Variants in GNAZ observed in about 807,000 individuals in gnomAD.
GNAZ encodes the protein guanine nucleotide-binding protein G(z) subunit alpha.
In GNAZ, 3 loss-of-function variants were observed where a neutral mutation model predicts 25.4. That is an observed-to-expected ratio of 0.12 (90% CI 0.05 to 0.30). The LOEUF (loss-of-function observed/expected upper bound fraction) is 0.30. Among genes scored for constraint, GNAZ ranks in the 10% least tolerant of loss-of-function variants. The pLI is 1.00. For missense variants in GNAZ, 241 were observed against 501.8 expected (o/e 0.48, Z 4.97); for synonymous variants, 211 against 205.7 (o/e 1.03, Z -0.22).
chr22:23,123,895 G>A lies in GNAZ; in HGVS notation c.*464G>A, dbSNP rs546362570. 1 of 214,610 alleles carries A rather than the reference G, an allele frequency of 4.7e-6. No homozygotes were observed. Among genetic ancestry groups the A allele is most frequent in the Middle Eastern group, 2.0e-3 (1 of 498 alleles). 13.3% of individuals were successfully genotyped at this position (214,610 alleles called of 1,614,324 possible). A position where few individuals can be genotyped will look rare whatever the true frequency, so the allele number is the denominator to read the frequency against. On this transcript the variant is annotated 3_prime_UTR_variant, in exon 3 of 3. Transcript: ENST00000615612. The stretch of plus-strand genomic sequence containing the variant: ...CGAGCTCTGGCCTAGGGACCTTGCC[G>A]CTGACCAAGAGGGAGGACCAGTGCA...
chr22:23,110,828 G>A (rs1278325326), intron 2 of GNAZ, among the ~76,000 whole-genome samples: 1 of 152,214 alleles, frequency 6.6e-6, no homozygotes, highest in Admixed American at 6.5e-5. Flanking sequence ...AGAGCTCAGT[G>A]TTGGGAAGGA....
At chr22:23,117,547 C>T (rs944347749) in intron 2 of GNAZ, among the ~76,000 whole-genome samples, 8 of 152,214 alleles carry the variant, frequency 5.3e-5, no homozygotes, top group Non-Finnish European at 8.8e-5. Flanking sequence ...GCAGGTCTTC[C>T]GATGAGACCT....
intron 2 of GNAZ, among the ~76,000 whole-genome samples, chr22:23,114,871 C>T (rs1222137023): frequency 6.6e-6 from 1 of 152,178 alleles, no homozygotes; most frequent in Non-Finnish European, 1.5e-5. Context: ...ATCCCTCACA[C>T]AAGAGCACCT....
chr22:23,077,005 A>C (rs1015455052), intron 1 of GNAZ, among the ~76,000 whole-genome samples: 2 of 152,078 alleles, frequency 1.3e-5, no homozygotes, highest in African/African-American at 2.4e-5. Flanking sequence ...TCCTTATCTC[A>C]ACTCTGGAGT....
chr22:23,096,486 C>T (rs991798395), intron 2 of GNAZ, 68 bp downstream of exon 2: 2 of 1,498,090 alleles, frequency 1.3e-6, no homozygotes, highest in African/African-American at 1.4e-5. Context: ...CAAGAGGACT[C>T]GTGAGGTCCA....
chr22:23,123,018 G>A (rs1427120825), intron 2 of GNAZ, 69 bp from the exon 3 acceptor site: 66 of 1,013,896 alleles, frequency 6.5e-5, no homozygotes, highest in Non-Finnish European at 9.6e-5. Context: ...CCTCTGGCAG[G>A]GCTGCAGGTC....
rs144510607 is a variant in GNAZ, at chr22:23,074,100, G to A, written c.-450+3530G>A. 2.1e-3 allele frequency among the ~76,000 whole-genome samples: 325 copies of A among 152,314 alleles called. 2 individuals carry two copies. The highest frequency in any genetic ancestry group is 3.6e-3 in the Non-Finnish European group (247 of 68,016). ...GAGTGTGGGTGGGGTGTCAGGGCCAGGTCCTGCAGGACTCAGTGGGCCCCA... is the reference window on the plus strand; with the variant it reads ...GAGTGTGGGTGGGGTGTCAGGGCCAAGTCCTGCAGGACTCAGTGGGCCCCA... On this transcript the variant is annotated intron_variant, in intron 1 of 2. Coordinates refer to ENST00000615612, the MANE Select transcript of GNAZ (RefSeq NM_002073.4).
At chr22:23,076,420 T>C (rs1161968543) in intron 1 of GNAZ, among the ~76,000 whole-genome samples, 1 of 152,186 alleles carries the variant, frequency 6.6e-6, no homozygotes, top group African/African-American at 2.4e-5. Context: ...GGCTGAGCTG[T>C]GTGCTCGTGC....
At chr22:23,084,409 G>C (rs1193684152) in intron 1 of GNAZ, among the ~76,000 whole-genome samples, 1 of 152,178 alleles carries the variant, frequency 6.6e-6, no homozygotes, top group Non-Finnish European at 1.5e-5. Flanking sequence ...AGGTAGGCTA[G>C]GCTAAGCTGT....
rs945385590 is a variant in GNAZ, at chr22:23,113,693, C to T, written c.724-9394C>T. 2.6e-5 allele frequency among the ~76,000 whole-genome samples: 4 copies of T among 152,352 alleles called. No individual in the cohort carries two copies. The East Asian group carries it at 5.8e-4, about 22-fold the overall frequency. Reference sequence around the variant, plus strand: ...CCACTCGGTACACCTGCCAGGACCTCGGCGCATCATCAGATGGTGGGGCCC... The same window carrying T: ...CCACTCGGTACACCTGCCAGGACCTTGGCGCATCATCAGATGGTGGGGCCC... On this transcript the variant is annotated intron_variant, in intron 2 of 2. Transcript: ENST00000615612.
chr22:23,093,120 A>G (rs747664562), intron 1 of GNAZ, among the ~76,000 whole-genome samples: 4 of 152,336 alleles, frequency 2.6e-5, no homozygotes, highest in African/African-American at 4.8e-5. Context: ...TATCATGTAC[A>G]TGTCATCTTT....
chr22:23,076,076 T>C (rs2068498738), intron 1 of GNAZ, among the ~76,000 whole-genome samples: 1 of 152,170 alleles, frequency 6.6e-6, no homozygotes, highest in Non-Finnish European at 1.5e-5. Context: ...AGGAGGAGGC[T>C]GTGCTGGAGG....
chr22:23,076,427 G>C (rs949251996), intron 1 of GNAZ, among the ~76,000 whole-genome samples: 1 of 152,146 alleles, frequency 6.6e-6, no homozygotes, highest in Non-Finnish European at 1.5e-5. Flanking sequence ...CTGTGTGCTC[G>C]TGCGCTGCAG....
chr22:23,086,531 G>A (rs2068825111), intron 1 of GNAZ, among the ~76,000 whole-genome samples: 1 of 152,206 alleles, frequency 6.6e-6, no homozygotes, highest in Non-Finnish European at 1.5e-5. Context: ...AGCCACCCGA[G>A]CAGGCACACT....
chr22:23,095,281 G>A lies in GNAZ; in HGVS notation c.-415G>A, dbSNP rs944514270. On this transcript the variant is annotated 5_prime_UTR_variant, in exon 2 of 3. Coordinates refer to ENST00000615612, the MANE Select transcript of GNAZ (RefSeq NM_002073.4). ...TGGATGCACAGTGGGAGCCGGAGGC[G>A]GGGGGCTGCAGGGAGCACACCAGCG... 13 of 196,122 alleles carry A rather than the reference G, an allele frequency of 6.6e-5. No homozygotes were observed. Among genetic ancestry groups the A allele is most frequent in the South Asian group, 2.2e-4 (2 of 9,276 alleles). The allele number at this position is 196,122 out of a possible 1,614,324, so 12.1% of individuals were successfully genotyped here.
intron 1 of GNAZ, among the ~76,000 whole-genome samples, chr22:23,079,521 T>G (rs1197120700): frequency 6.6e-6 from 1 of 152,170 alleles, no homozygotes; most frequent in Non-Finnish European, 1.5e-5. Flanking sequence ...CCTGGTGCCC[T>G]GGCTGGACTT....
chr22:23,117,972 TGGTCTGGCCAGC>T (rs2146386219), intron 2 of GNAZ, among the ~76,000 whole-genome samples: 1 of 152,324 alleles, frequency 6.6e-6, no homozygotes, highest in South Asian at 2.1e-4. Flanking sequence ...GTGCCGGACC[TGGTCTGGCCAGC>T]AGTCTGGCAG....
chr22:23,077,793 G>A (rs1380822128), intron 1 of GNAZ, among the ~76,000 whole-genome samples: 2 of 152,176 alleles, frequency 1.3e-5, no homozygotes, highest in East Asian at 1.9e-4. Flanking sequence ...CTGACTATGG[G>A]TGGGAGAACT....
intron 1 of GNAZ, among the ~76,000 whole-genome samples, chr22:23,088,641 G>A (rs935404737): frequency 2.0e-5 from 3 of 152,180 alleles, no homozygotes; most frequent in Non-Finnish European, 4.4e-5. Flanking sequence ...CGGTAGGGTG[G>A]AAAGGACTTG....
Sources: gnomAD v4.1 joint callset for allele counts (sites outside exome capture counted in the v4.1 genomes callset) on GRCh38, gnomAD v4.1.1 for gene constraint, MANE v1.5 for transcripts, NCBI Gene and HGNC (gene_info 2026-07-23, HGNC 2026-07-21) for gene names.